Variants in UBFD1 observed in about 807,000 individuals in gnomAD.
The protein encoded by UBFD1 is ubiquitin domain-containing protein UBFD1.
A neutral mutation model predicts 35.1 loss-of-function variants in UBFD1; 12 were observed. The ratio of observed to expected loss-of-function variants is 0.34; its 90% CI spans 0.22 to 0.55. The LOEUF (loss-of-function observed/expected upper bound fraction) is 0.55. Ranked by LOEUF, UBFD1 falls within the 20% of genes least tolerant of loss-of-function variation. The pLI is 0.89. For missense variants in UBFD1, 337 were observed against 410.8 expected (o/e 0.82, Z 1.55); for synonymous variants, 178 against 167.6 (o/e 1.06, Z -0.48).
chr16:23,565,268 A>T (rs1965994617), intron 5 of UBFD1: 1 of 152,012 alleles, frequency 6.6e-6, no homozygotes, highest in Admixed American at 6.5e-5. Context: ...AAGGGCTGCT[A>T]CTCTTGACTA....
At chr16:23,567,108 C>G (rs759011702) in intron 6 of UBFD1, 39 bp downstream of exon 6, 3 of 1,580,506 alleles carry the variant, frequency 1.9e-6, no homozygotes, top group Non-Finnish European at 1.7e-6. Flanking sequence ...TCTCACTAGA[C>G]TCCCACTTCA....
chr16:23,568,487 G>T (rs555027480), intron 6 of UBFD1, among the ~76,000 whole-genome samples: 1 of 151,500 alleles, frequency 6.6e-6, no homozygotes, highest in East Asian at 2.0e-4. Flanking sequence ...TACAAGGATT[G>T]CAGACAAATT....
In UBFD1 at chr16:23,572,420, T is replaced by C. The variant is rs1366916094; in HGVS notation, c.*1830T>C. ...GTGACAGGTTTTGGGGGAAATGAGA[T>C]GCATTAAGTAGAACATCATCTCGGG... On this transcript the variant is annotated 3_prime_UTR_variant, in exon 7 of 7. Transcript: ENST00000395878. 2 of 152,288 alleles carry C rather than the reference T, an allele frequency of 1.3e-5. No homozygotes were observed. The highest frequency in any genetic ancestry group is 6.5e-5 in the Admixed American group (1 of 15,278). The allele number at this position is 152,288 out of a possible 1,614,324, so 9.4% of individuals were successfully genotyped here.
intron 6 of UBFD1, chr16:23,569,170 A>G (rs1407721005): frequency 6.6e-6 from 1 of 152,238 alleles, no homozygotes; most frequent in Non-Finnish European, 1.5e-5. Context: ...CTTTGGGCAG[A>G]TGCTATTTCT....
chr16:23,572,853 C>T lies in UBFD1; in HGVS notation c.*2263C>T, dbSNP rs1452702602. 5 of 152,202 alleles carry T rather than the reference C, an allele frequency of 3.3e-5. No homozygotes were observed. The highest frequency in any genetic ancestry group is 5.9e-5 in the Non-Finnish European group (4 of 68,038). 9.4% of individuals were successfully genotyped at this position (152,202 alleles called of 1,614,324 possible). A position where few individuals can be genotyped will look rare whatever the true frequency, so the allele number is the denominator to read the frequency against. ...TGTTTGAGTATTGCTTTACAGAGCT[C>T]ACTAAATCAGCTTCAACAATCTTGA... On this transcript the variant is annotated 3_prime_UTR_variant, in exon 7 of 7. Coordinates refer to ENST00000395878, the MANE Select transcript of UBFD1 (RefSeq NM_019116.3).
intron 6 of UBFD1, among the ~76,000 whole-genome samples, chr16:23,567,556 G>A (rs1966028705): frequency 6.6e-6 from 1 of 152,202 alleles, no homozygotes; most frequent in Non-Finnish European, 1.5e-5. Flanking sequence ...CGGGCTCTGT[G>A]GAGCGTCTAT....
intron 2 of UBFD1, 131 bp downstream of exon 2, chr16:23,558,410 T>G (rs947098603): frequency 1.7e-6 from 2 of 1,155,714 alleles, no homozygotes; most frequent in Non-Finnish European, 2.4e-6. Flanking sequence ...TGAAGGATAC[T>G]TGGATGCCCA....
intron 2 of UBFD1, 61 bp downstream of exon 2, chr16:23,558,340 C>T: frequency 1.3e-6 from 2 of 1,566,442 alleles, no homozygotes; most frequent in Non-Finnish European, 1.7e-6. Flanking sequence ...GCCCTTGCAC[C>T]CTACTAGGCA....
At chr16:23,566,262 C>CTT (rs1966009409) in intron 5 of UBFD1, 2 of 152,168 alleles carry the variant, frequency 1.3e-5, no homozygotes. Flanking sequence ...CGTGTTGCCT[C>CTT]TTTGTTCGTA....
rs1050327959 is a variant in UBFD1 at position 23,573,837 on chromosome 16, AAG to A, written c.*3248_*3249del. The stretch of plus-strand genomic sequence containing the variant: ...TTCTTTGCCAGGGGCAGAGAAGGGA[AAG>A]GGGGTAGATTGAGTGTGCCAAGGGC... On this transcript the variant is annotated 3_prime_UTR_variant, in exon 7 of 7. Transcript: ENST00000395878. 19 of 152,460 alleles carry A rather than the reference AAG, an allele frequency of 1.2e-4. No homozygotes were observed. Among genetic ancestry groups the A allele is most frequent in the African/African-American group, 4.6e-4 (19 of 41,432 alleles). 9.4% of individuals were successfully genotyped at this position (152,460 alleles called of 1,614,324 possible).
chr16:23,567,581 ACT>A (rs1426114430), intron 6 of UBFD1, among the ~76,000 whole-genome samples: 1 of 152,026 alleles, frequency 6.6e-6, no homozygotes, highest in South Asian at 2.1e-4. Context: ...CATAGAACCC[ACT>A]CTGCAGAGAG....
intron 5 of UBFD1, among the ~76,000 whole-genome samples, chr16:23,563,392 C>T (rs545192014): frequency 6.6e-6 from 1 of 152,202 alleles, no homozygotes; most frequent in Admixed American, 6.5e-5. Context: ...CTGGATCAGC[C>T]TTGCTGTTTG....
At chr16:23,563,941 C>A (rs140101066) in intron 5 of UBFD1, 1 of 152,244 alleles carries the variant, frequency 6.6e-6, no homozygotes, top group African/African-American at 2.4e-5. Context: ...ATTCTCCCCC[C>A]ACCCTCCAAA....
At chr16:23,558,807 G>A (rs1452468670) in intron 2 of UBFD1, among the ~76,000 whole-genome samples, 2 of 147,554 alleles carry the variant, frequency 1.4e-5, no homozygotes, top group African/African-American at 5.0e-5. Flanking sequence ...TTGAGACGGA[G>A]TCTTGCTCTG....
At chr16:23,565,070 AGTCTT>A (rs1257589539) in intron 5 of UBFD1, 5 of 152,300 alleles carry the variant, frequency 3.3e-5, no homozygotes, top group Admixed American at 3.3e-4. Flanking sequence ...AGGGGCAGGC[AGTCTT>A]GTCACTTGCC....
At chr16:23,563,501 C>T (rs1444301273) in intron 5 of UBFD1, among the ~76,000 whole-genome samples, 1 of 152,198 alleles carries the variant, frequency 6.6e-6, no homozygotes, top group African/African-American at 2.4e-5. Context: ...TTCTTTGCCA[C>T]ACTGTTGTGC....
rs746048757 is a variant in UBFD1, at chr16:23,570,539, A to G, written c.879A>G (p.Gln293=). 5.9e-5 allele frequency: 95 copies of G among 1,613,936 alleles called. No individual in the cohort carries two copies. The highest frequency in any genetic ancestry group is 4.0e-5 in the Non-Finnish European group (47 of 1,179,996). The change falls in exon 7 of 7, where the codon CAA becomes CAG. Residue 293 remains glutamine, a synonymous_variant. Transcript: ENST00000395878. ...ACTGGGTGTACTGGGTTCCAACTCA[A>G]TATGTGGATGCAATCAAAGACACTG... ...SYYWVYWVPT[Q]YVDAIKDTVL...
chr16:23,561,024 G>A (rs1965925145), intron 3 of UBFD1, among the ~76,000 whole-genome samples: 1 of 152,198 alleles, frequency 6.6e-6, no homozygotes, highest in Admixed American at 6.5e-5. Flanking sequence ...AGCTTAACAG[G>A]CTTAGAACTG....
intron 5 of UBFD1, chr16:23,565,352 A>T (rs904058244): frequency 6.6e-6 from 1 of 152,244 alleles, no homozygotes; most frequent in Non-Finnish European, 1.5e-5. Flanking sequence ...CAGGCAGGAA[A>T]CCGGAAGCCG....
Sources: gnomAD v4.1 joint callset for allele counts (sites outside exome capture counted in the v4.1 genomes callset) on GRCh38, gnomAD v4.1.1 for gene constraint, MANE v1.5 for transcripts, NCBI Gene and HGNC (gene_info 2026-07-23, HGNC 2026-07-21) for gene names.